The following LETM1 variants were observed in gnomAD, a reference collection of about 807,000 sequenced individuals.
The protein encoded by LETM1 is leucine zipper and EF-hand containing transmembrane protein 1.
A neutral mutation model predicts 74.5 loss-of-function variants in LETM1; 50 were observed. That is an observed-to-expected ratio of 0.67 (90% CI 0.53 to 0.85). The LOEUF is 0.85. Among genes scored for constraint, LETM1 ranks in the 40% least tolerant of loss-of-function variants. The probability of loss-of-function intolerance (pLI) is 0.00; values close to 1 mark genes in which losing one functional copy is unlikely to be tolerated. For missense variants in LETM1, 824 were observed against 967.8 expected, an observed-to-expected ratio of 0.85 and a Z score of 1.97; for synonymous variants, 446 against 407.1, an observed-to-expected ratio of 1.10 and a Z score of -1.15.
chr4:1,841,022 A>G (rs972124726), intron 3 of LETM1, among the ~76,000 whole-genome samples: 1 of 152,204 alleles, frequency 6.6e-6, no homozygotes, highest in Non-Finnish European at 1.5e-5. Flanking sequence ...AGCAAGCACT[A>G]AAAATATTTT....
intron 2 of LETM1, among the ~76,000 whole-genome samples, chr4:1,845,173 G>A (rs1712839878): frequency 6.6e-6 from 1 of 152,172 alleles, no homozygotes; most frequent in Admixed American, 6.5e-5. Context: ...CTGGGCGATA[G>A]AGTGAGACTC....
intron 6 of LETM1, among the ~76,000 whole-genome samples, chr4:1,832,237 G>A (rs765953815): frequency 9.2e-5 from 14 of 152,096 alleles, no homozygotes; most frequent in Non-Finnish European, 1.8e-4. Context: ...AGGAGGCAGA[G>A]GTTGCAGTGA....
rs748504130 is a variant in LETM1 at position 1,823,626 on chromosome 4, G to T, written c.1332+18C>A. 2.5e-6 allele frequency: 4 copies of T among 1,612,704 alleles called. No homozygotes were observed. In the East Asian group the frequency reaches 8.9e-5, roughly 36 times the overall value. On this transcript the variant is annotated intron_variant, in intron 8 of 13. Coordinates refer to ENST00000302787, the MANE Select transcript of LETM1 (RefSeq NM_012318.3). ...CCTATGAAGAGATGAGGTAAAAGGG[G>T]TCTCCGACAGCACGTACCACAATCT...
intron 2 of LETM1, chr4:1,843,307 G>T (rs529973910): frequency 2.6e-5 from 4 of 153,160 alleles, no homozygotes; most frequent in Non-Finnish European, 2.9e-5. Context: ...TTGCAGCCTC[G>T]GAGAAGCCAC....
rs761423662 is a variant in LETM1 at position 1,836,464 on chromosome 4, T to C, written c.703A>G (p.Met235Val). 1.9e-6 allele frequency: 3 copies of C among 1,613,896 alleles called. No individual in the cohort carries two copies. Among genetic ancestry groups the C allele is most frequent in the South Asian group, 1.1e-5 (1 of 91,072 alleles). ...TGAGTCTCAAATGTGGATGGCAACATGTTGGGGAAGAGCTTCACAGCAACA... is the reference window on the plus strand; with the variant it reads ...TGAGTCTCAAATGTGGATGGCAACACGTTGGGGAAGAGCTTCACAGCAACA... ...LPVAVKLFPNMLPSTFETQSL... is the reference protein window; with the variant it reads ...LPVAVKLFPNVLPSTFETQSL... The change falls in exon 4 of 14, where the codon ATG becomes GTG. Residue 235 changes from methionine (M) to valine (V), a missense_variant. By Grantham distance (21) the Met-to-Val change is conservative. Transcript: ENST00000302787. This position sits in a 1 kb window ranked among gnomAD's most constrained non-coding sequence, Gnocchi z 5.8.
intron 11 of LETM1, among the ~76,000 whole-genome samples, chr4:1,818,472 G>A (rs1711653744): frequency 6.6e-6 from 1 of 151,848 alleles, no homozygotes; most frequent in African/African-American, 2.4e-5. Context: ...AATTAGCCAG[G>A]CATGGTGGCA....
intron 7 of LETM1, 139 bp downstream of exon 7, chr4:1,825,425 T>C (rs1485156554): frequency 9.7e-7 from 1 of 1,029,662 alleles, no homozygotes; most frequent in Non-Finnish European, 1.4e-6. Flanking sequence ...AGCCCAAACA[T>C]CCTGGCCGTC....
chr4:1,816,997 GTACTTT>G (rs1711589727), intron 11 of LETM1, 83 bp from the exon 12 acceptor site: 3 of 1,215,620 alleles, frequency 2.5e-6, no homozygotes, highest in Non-Finnish European at 3.5e-6. Flanking sequence ...TGTAATCCCA[GTACTTT>G]GCAAGGCCAA....
At chr4:1,844,930 G>A (rs1188407577) in intron 2 of LETM1, among the ~76,000 whole-genome samples, 2 of 145,716 alleles carry the variant, frequency 1.4e-5, no homozygotes, top group Admixed American at 6.9e-5. Context: ...AGTGGCTCAC[G>A]CCTGTAATCC....
chr4:1,851,500 G>A (rs1488580129), intron 1 of LETM1, among the ~76,000 whole-genome samples: 1 of 152,188 alleles, frequency 6.6e-6, no homozygotes, highest in East Asian at 1.9e-4. Context: ...TTCCTACTAC[G>A]TGCCACATTT....
intron 1 of LETM1, among the ~76,000 whole-genome samples, chr4:1,851,703 C>A (rs535475496): frequency 1.3e-5 from 2 of 152,350 alleles, no homozygotes; most frequent in South Asian, 2.1e-4. Flanking sequence ...GAGGGCCCAG[C>A]GCATTCTCCG....
In LETM1 at chr4:1,855,982, T is replaced by G; in HGVS notation, c.-32A>C. ...GGGCGCGGCGGCCGCTCCGGCCTCCTGCGCTGCCTCCTTCTCCGCGGCGGC... is the reference window on the plus strand; with the variant it reads ...GGGCGCGGCGGCCGCTCCGGCCTCCGGCGCTGCCTCCTTCTCCGCGGCGGC... On this transcript the variant is annotated 5_prime_UTR_variant, in exon 1 of 14. Coordinates refer to ENST00000302787, the MANE Select transcript of LETM1 (RefSeq NM_012318.3). 1 of 1,178,922 alleles carries G rather than the reference T, an allele frequency of 8.5e-7. No homozygotes were observed. Among genetic ancestry groups the G allele is most frequent in the South Asian group, 4.2e-5 (1 of 23,990 alleles). The allele number at this position is 1,178,922 out of a possible 1,614,324, so 73.0% of individuals were successfully genotyped here.
intron 7 of LETM1, 38 bp from the exon 8 acceptor site, chr4:1,823,813 C>G: frequency 6.3e-7 from 1 of 1,580,158 alleles, no homozygotes; most frequent in African/African-American, 1.3e-5. Flanking sequence ...GGGCAGCCCC[C>G]CAACCCTGCT....
At chr4:1,830,473 G>A (rs1194658186) in intron 6 of LETM1, among the ~76,000 whole-genome samples, 1 of 152,144 alleles carries the variant, frequency 6.6e-6, no homozygotes, top group Non-Finnish European at 1.5e-5. Flanking sequence ...TGGAGCTACA[G>A]GCGCAAGTCA....
chr4:1,855,851 G>T lies in LETM1; in HGVS notation c.82+18C>A. On this transcript the variant is annotated intron_variant, in intron 1 of 13. Transcript: ENST00000302787. ...ACCAGCCGGGAGCCGGCCCCGCCCT[G>T]GGGTGCCCGCCGCTTACCCCGCGGG... 1.6e-6 allele frequency: 2 copies of T among 1,223,300 alleles called. No individual in the cohort carries two copies. Among genetic ancestry groups the T allele is most frequent in the Non-Finnish European group, 2.0e-6 (2 of 982,944 alleles). 75.8% of individuals were successfully genotyped at this position (1,223,300 alleles called of 1,614,324 possible). A position where few individuals can be genotyped will look rare whatever the true frequency, so the allele number is the denominator to read the frequency against.
intron 6 of LETM1, among the ~76,000 whole-genome samples, chr4:1,829,389 CG>C (rs998699378): frequency 5.3e-4 from 79 of 149,538 alleles, no homozygotes; most frequent in Middle Eastern, 7.4e-3. Flanking sequence ...GCTGGCCGGG[CG>C]GGGGGCTGAC....
chr4:1,854,394 C>T (rs1014200089), intron 1 of LETM1, among the ~76,000 whole-genome samples: 27 of 151,554 alleles, frequency 1.8e-4, no homozygotes, highest in East Asian at 7.8e-4. Flanking sequence ...GCAGGAGAAT[C>T]GCTTGAACCT....
intron 10 of LETM1, among the ~76,000 whole-genome samples, chr4:1,819,997 G>T (rs1465740835): frequency 6.6e-6 from 1 of 152,154 alleles, no homozygotes; most frequent in Non-Finnish European, 1.5e-5. Flanking sequence ...GAGGGCAGTG[G>T]TGCAATCATG....
Position 1,834,441 on chromosome 4 carries a change from C to G in LETM1, c.876+404G>C, listed in dbSNP as rs556127635. On this transcript the variant is annotated intron_variant, in intron 5 of 13. Coordinates refer to ENST00000302787, the MANE Select transcript of LETM1 (RefSeq NM_012318.3). The surrounding 1 kb of genome is among the most constrained non-coding windows in gnomAD (Gnocchi z 5.0). ...GCCCCCACTGCTCCCACAGTCCAGG[C>G]CTCTGACCAGCCCCTGGGACCTGGG... 4.4e-4 allele frequency: 450 copies of G among 1,025,976 alleles called. No homozygotes were observed. The highest frequency in any genetic ancestry group is 5.1e-4 in the Non-Finnish European group (440 of 855,156). The allele number at this position is 1,025,976 out of a possible 1,614,324, so 63.6% of individuals were successfully genotyped here.
Sources: gnomAD v4.1 joint callset for allele counts (sites outside exome capture counted in the v4.1 genomes callset) on GRCh38, gnomAD v4.1.1 for gene constraint, Gnocchi (gnomAD v3.1) non-coding constraint, MANE v1.5 for transcripts, NCBI Gene and HGNC (gene_info 2026-07-23, HGNC 2026-07-21) for gene names.